Variants in CRYBG1 observed in about 807,000 individuals in gnomAD.
CRYBG1 encodes beta/gamma crystallin domain-containing protein 1.
CRYBG1 carries 139 observed loss-of-function variants against 189.2 expected under a neutral mutation model. The ratio of observed to expected loss-of-function variants is 0.73; its 90% CI spans 0.64 to 0.85. The LOEUF is 0.85. Among genes scored for constraint, CRYBG1 ranks in the 40% least tolerant of loss-of-function variants. CRYBG1 has a pLI of 0.00. For missense variants in CRYBG1, 2,611 were observed against 2,675.8 expected, an observed-to-expected ratio of 0.98 and a Z score of 0.53; for synonymous variants, 1,023 against 1,017.1, an observed-to-expected ratio of 1.01 and a Z score of -0.11.
In CRYBG1 at chr6:106,511,716, G is replaced by T; in HGVS notation, c.599G>T (p.Ser200Ile). Residue 200 changes from serine to isoleucine, a missense_variant, in exon 3 of 22, where the codon AGC becomes ATC. Transcript: ENST00000633556. ...GAGGCAGAGGGCGAGCTCCCCGAGA[G>T]CGGTGGCCCCGCAGCCCCCCCTGAC... ...PREAEGELPESGGPAAPPDAE... is the reference protein window; with the variant it reads ...PREAEGELPEIGGPAAPPDAE... 1 of 1,535,590 alleles carries T rather than the reference G, an allele frequency of 6.5e-7. No homozygotes were observed. Among genetic ancestry groups the T allele is most frequent in the Non-Finnish European group, 8.7e-7 (1 of 1,146,656 alleles).
chr6:106,416,186 A>G (rs998472555), intron 1 of CRYBG1, among the ~76,000 whole-genome samples: 3 of 152,176 alleles, frequency 2.0e-5, no homozygotes, highest in African/African-American at 7.2e-5. Context: ...ATTCCAGAAC[A>G]TACTGGCCAA....
At position 106,553,437 on chromosome 6, in the gene CRYBG1, C is replaced by T; in HGVS notation, c.5473-18C>T. 1 of 1,523,100 alleles carries T rather than the reference C, an allele frequency of 6.6e-7. No individual in the cohort carries two copies. The highest frequency in any genetic ancestry group is 1.1e-5 in the South Asian group (1 of 88,978). 94.3% of individuals were successfully genotyped at this position (1,523,100 alleles called of 1,614,324 possible). On this transcript the variant is annotated intron_variant, in intron 15 of 21. Transcript: ENST00000633556. ...TTTAGGAAAATAATTTTATGTGTTT[C>T]TGTTTACTTTTTCAAAGATTCACTT...
intron 20 of CRYBG1, 29 bp downstream of exon 20, chr6:106,561,529 T>C (rs1774721052): frequency 1.3e-6 from 2 of 1,596,536 alleles, no homozygotes; most frequent in African/African-American, 1.3e-5. Flanking sequence ...CGGGGGCCTG[T>C]GATGGCTTTG....
rs573681081 is a variant in CRYBG1 at position 106,477,307 on chromosome 6, C to A, written c.312+25475C>A. Reference sequence around the variant, plus strand: ...AGGAGGAATGTTCTACAGAAAAGTACAGAAAGAGGAGGTTTAGAGGCAGAA... The same window carrying A: ...AGGAGGAATGTTCTACAGAAAAGTAAAGAAAGAGGAGGTTTAGAGGCAGAA... On this transcript the variant is annotated intron_variant, in intron 2 of 21. Transcript: ENST00000633556. Among the ~76,000 whole-genome samples, 4 of 152,122 alleles carry A rather than the reference C, an allele frequency of 2.6e-5. No individual in the cohort carries two copies. The South Asian group carries it at 8.3e-4, about 32-fold the overall frequency.
intron 2 of CRYBG1, among the ~76,000 whole-genome samples, chr6:106,460,577 G>T (rs1457529005): frequency 1.3e-5 from 2 of 152,060 alleles, no homozygotes; most frequent in East Asian, 3.9e-4. Context: ...GGGAAAAATT[G>T]TAATGAGAAA....
chr6:106,448,501 A>G (rs975178212), intron 1 of CRYBG1, among the ~76,000 whole-genome samples: 1 of 152,206 alleles, frequency 6.6e-6, no homozygotes, highest in Non-Finnish European at 1.5e-5. Context: ...ACTCTTGGAT[A>G]GCACACTGTG....
intron 1 of CRYBG1, among the ~76,000 whole-genome samples, chr6:106,365,762 G>T (rs1186478262): frequency 2.6e-5 from 4 of 151,678 alleles, no homozygotes; most frequent in African/African-American, 7.3e-5. Flanking sequence ...AAGCATTAAT[G>T]CTCCCTGCAG....
chr6:106,457,642 G>C (rs143037459), intron 2 of CRYBG1, among the ~76,000 whole-genome samples: 133 of 152,308 alleles, frequency 8.7e-4, no homozygotes, highest in African/African-American at 3.1e-3. Flanking sequence ...TGTGATTAGA[G>C]ATTGCTGAGC....
At chr6:106,562,526 C>T (rs1774750796) in intron 20 of CRYBG1, among the ~76,000 whole-genome samples, 2 of 152,096 alleles carry the variant, frequency 1.3e-5, no homozygotes, top group African/African-American at 4.8e-5. Flanking sequence ...CTTGCTCTGT[C>T]ACCAGGCTGG....
chr6:106,458,612 T>G (rs1339197043), intron 2 of CRYBG1, among the ~76,000 whole-genome samples: 1 of 152,198 alleles, frequency 6.6e-6, no homozygotes, highest in Non-Finnish European at 1.5e-5. Flanking sequence ...TTTTAAAAAG[T>G]AGAAAATACT....
intron 13 of CRYBG1, among the ~76,000 whole-genome samples, chr6:106,546,060 T>C (rs1774260945): frequency 6.6e-6 from 1 of 152,206 alleles, no homozygotes; most frequent in Non-Finnish European, 1.5e-5. Flanking sequence ...GCTTGGGTCA[T>C]GTGCACATGC....
chr6:106,487,644 A>G (rs1582790941), intron 2 of CRYBG1, among the ~76,000 whole-genome samples: 1 of 152,042 alleles, frequency 6.6e-6, no homozygotes, highest in African/African-American at 2.4e-5. Flanking sequence ...CTTCAGCTCC[A>G]AGATTTCTGT....
intron 1 of CRYBG1, among the ~76,000 whole-genome samples, chr6:106,378,411 C>T (rs1357872426): frequency 6.6e-6 from 1 of 152,216 alleles, no homozygotes; most frequent in African/African-American, 2.4e-5. Context: ...ACTGCCACTG[C>T]TCAGGGCTCG....
intron 1 of CRYBG1, among the ~76,000 whole-genome samples, chr6:106,400,352 T>A (rs1284884957): frequency 1.3e-5 from 2 of 152,216 alleles, no homozygotes; most frequent in African/African-American, 4.8e-5. Flanking sequence ...CATTGTCAAA[T>A]CTTACTTGAG....
intron 18 of CRYBG1, among the ~76,000 whole-genome samples, chr6:106,559,797 TA>T (rs201366640): frequency 6.8e-6 from 1 of 147,684 alleles, no homozygotes; most frequent in African/African-American, 2.5e-5. Flanking sequence ...AAAAAGAAAA[TA>T]AAAAAAATCA....
intron 1 of CRYBG1, among the ~76,000 whole-genome samples, chr6:106,388,048 C>T (rs1287714953): frequency 6.6e-6 from 1 of 152,144 alleles, no homozygotes; most frequent in Non-Finnish European, 1.5e-5. Context: ...CCTGTTTTCC[C>T]TCCACAGTTA....
intron 5 of CRYBG1, 38 bp from the exon 6 acceptor site, chr6:106,525,230 G>A (rs1177236927): frequency 1.2e-6 from 2 of 1,613,430 alleles, no homozygotes; most frequent in Admixed American, 1.7e-5. Flanking sequence ...GTCTGACAGA[G>A]TACAACAAAG....
Position 106,512,219 on chromosome 6 carries a change from G to A in CRYBG1, c.1102G>A (p.Gly368Ser). 6.5e-7 allele frequency: 1 copy of A among 1,536,952 alleles called. No homozygotes were observed. The change falls in exon 3 of 22, where the codon GGT (glycine) becomes AGT (serine). Residue 368 changes from glycine (G) to serine (S), a missense_variant. Coordinates refer to ENST00000633556, the MANE Select transcript of CRYBG1 (RefSeq NM_001371242.2). ...AQADCTARPK[G>S]HAHPAKVLTL... ...GGCAGACTGCACAGCCCGCCCCAAG[G>A]GTCACGCCCACCCTGCTAAGGTGCT... is the stretch of plus-strand genomic sequence containing the variant.
At chr6:106,543,669 C>A in intron 11 of CRYBG1, 72 bp downstream of exon 11, 1 of 1,482,466 alleles carries the variant, frequency 6.7e-7, no homozygotes, top group Non-Finnish European at 9.2e-7. Flanking sequence ...GCCCTTTCCC[C>A]CCTAAAAACA....
Sources: gnomAD v4.1 joint callset for allele counts (sites outside exome capture counted in the v4.1 genomes callset) on GRCh38, gnomAD v4.1.1 for gene constraint, MANE v1.5 for transcripts, NCBI Gene and HGNC (gene_info 2026-07-23, HGNC 2026-07-21) for gene names.